Variants in LAMA3 observed in about 807,000 individuals in gnomAD.
LAMA3 encodes the protein laminin subunit alpha 3, also known as laminin subunit alpha-3.
In LAMA3, 281 loss-of-function variants were observed where a neutral mutation model predicts 402.0. The observed-to-expected ratio is 0.70, with a 90% CI of 0.63 to 0.77. The LOEUF is 0.77. Ranked by LOEUF, LAMA3 falls within the 30% of genes least tolerant of loss-of-function variation. The pLI, the probability that LAMA3 is intolerant of heterozygous loss-of-function variation, is 0.00. For synonymous variants in LAMA3, 1,431 were observed against 1,558.4 expected (o/e 0.92, Z 1.93); for missense variants, 3,840 against 4,215.5 (o/e 0.91, Z 2.47).
chr18:23,933,966 C>T (rs2082240508), intron 67 of LAMA3, 31 bp downstream of exon 67: 1 of 1,610,040 alleles, frequency 6.2e-7, no homozygotes, highest in African/African-American at 1.3e-5. Context: ...CTGGGTTTCC[C>T]TCTTCCCTGG....
chr18:23,912,332 T>C (rs1170534953), intron 55 of LAMA3, among the ~76,000 whole-genome samples: 2 of 151,904 alleles, frequency 1.3e-5, no homozygotes, highest in Non-Finnish European at 2.9e-5. Flanking sequence ...CATGTCTGAT[T>C]GTATGCCAGG....
intron 1 of LAMA3, among the ~76,000 whole-genome samples, chr18:23,695,208 G>A (rs917483609): frequency 6.6e-6 from 1 of 152,164 alleles, no homozygotes; most frequent in Non-Finnish European, 1.5e-5. Flanking sequence ...TTTTGGTCTT[G>A]TAGCCTCCAG....
chr18:23,850,813 C>G (rs1022811555), intron 32 of LAMA3, among the ~76,000 whole-genome samples: 2 of 152,220 alleles, frequency 1.3e-5, no homozygotes, highest in Non-Finnish European at 2.9e-5. Flanking sequence ...AAGACTTTAT[C>G]CATCTGTGTC....
At chr18:23,813,002 A>G in intron 13 of LAMA3, 55 bp from the exon 14 acceptor site, 1 of 1,227,946 alleles carries the variant, frequency 8.1e-7, no homozygotes, top group Non-Finnish European at 1.2e-6. Context: ...GAAACATCAA[A>G]ACAAAGAGAA....
At chr18:23,768,630 A>G (rs536451128) in intron 8 of LAMA3, among the ~76,000 whole-genome samples, 14 of 152,352 alleles carry the variant, frequency 9.2e-5, no homozygotes, top group Admixed American at 7.2e-4. Flanking sequence ...CAGTAATCCT[A>G]TTAATTGGCA....
intron 23 of LAMA3, among the ~76,000 whole-genome samples, chr18:23,833,217 C>G (rs1222885186): frequency 6.6e-6 from 1 of 152,056 alleles, no homozygotes; most frequent in African/African-American, 2.4e-5. Context: ...AAAGACATCC[C>G]GAATTGTCTA....
Position 23,907,831 on chromosome 18 carries a change from A to G in LAMA3, c.6911A>G (p.Asp2304Gly). 6.2e-7 allele frequency: 1 copy of G among 1,614,214 alleles called. No homozygotes were observed. Among genetic ancestry groups the G allele is most frequent in the Non-Finnish European group, 8.5e-7 (1 of 1,180,028 alleles). The change falls in exon 54 of 75, where the codon GAT (aspartate) becomes GGT (glycine). Residue 2304 changes from aspartate (D) to glycine (G), a missense_variant. By Grantham distance (94) the Asp-to-Gly change is moderately conservative. Coordinates refer to ENST00000313654, the MANE Select transcript of LAMA3 (RefSeq NM_198129.4). ...KANDITDEVL[D>G]GLNPIQTDVE... ...AACGACATCACAGATGAGGTTCTGG[A>G]TGGGCTCAACCCCATCCAGACAGAT...
At chr18:23,865,791 C>T (rs945306547) in intron 36 of LAMA3, among the ~76,000 whole-genome samples, 5 of 152,060 alleles carry the variant, frequency 3.3e-5, no homozygotes, top group Admixed American at 1.3e-4. Context: ...TAACAGGACT[C>T]GGGGGTGGTA....
chr18:23,913,163 C>T (rs1439320300), intron 56 of LAMA3, among the ~76,000 whole-genome samples: 1 of 152,188 alleles, frequency 6.6e-6, no homozygotes, highest in African/African-American at 2.4e-5. Flanking sequence ...AACATATGCA[C>T]TTGGGGAGGA....
At chr18:23,809,711 G>C (rs75046315) in intron 12 of LAMA3, among the ~76,000 whole-genome samples, 1 of 152,066 alleles carries the variant, frequency 6.6e-6, no homozygotes, top group Non-Finnish European at 1.5e-5. Flanking sequence ...TAACAGCTTG[G>C]GGGAGGGAGG....
rs375887307 is a variant in LAMA3 at position 23,726,575 on chromosome 18, A to G, written c.447+12503A>G. On this transcript the variant is annotated intron_variant, in intron 2 of 74. Transcript: ENST00000313654. ...GCTGCCCCTACTTGCTTCTGAGGGC[A>G]GGTGGCTATAGTGTTCACACAAGCC... 8.1e-4 allele frequency among the ~76,000 whole-genome samples: 123 copies of G among 152,324 alleles called. 3 individuals carry two copies. The South Asian group carries it at 0.025, about 31-fold the overall frequency.
intron 23 of LAMA3, among the ~76,000 whole-genome samples, chr18:23,828,409 C>T (rs1483636723): frequency 1.3e-5 from 2 of 152,218 alleles, no homozygotes; most frequent in South Asian, 2.1e-4. Flanking sequence ...TATAGATATG[C>T]ATAAAAAACC....
chr18:23,770,216 A>G (rs1308441579), intron 8 of LAMA3, among the ~76,000 whole-genome samples: 1 of 152,186 alleles, frequency 6.6e-6, no homozygotes, highest in Non-Finnish European at 1.5e-5. Context: ...TAACCATGAA[A>G]AATTGACAAT....
intron 1 of LAMA3, among the ~76,000 whole-genome samples, chr18:23,705,480 C>CACACACAG (rs1302189076): frequency 1.3e-5 from 2 of 150,952 alleles, no homozygotes; most frequent in Non-Finnish European, 2.9e-5. Context: ...CACACACACA[C>CACACACAG]AGACATATAT....
chr18:23,906,921 G>C (rs1568327595), intron 52 of LAMA3, among the ~76,000 whole-genome samples: 1 of 152,190 alleles, frequency 6.6e-6, no homozygotes, highest in Admixed American at 6.5e-5. Flanking sequence ...GGTCATTTTT[G>C]ATGACCCAAG....
intron 41 of LAMA3, among the ~76,000 whole-genome samples, chr18:23,889,806 T>C (rs1017643225): frequency 1.3e-5 from 2 of 152,170 alleles, no homozygotes; most frequent in Admixed American, 6.5e-5. Context: ...GGAAATTACA[T>C]GGATCTTACT....
At chr18:23,834,330 G>T in intron 24 of LAMA3, 1 of 345,214 alleles carries the variant, frequency 2.9e-6, no homozygotes, top group Non-Finnish European at 5.6e-6. Context: ...GCTGTGTCAA[G>T]TACCTGGGTG....
intron 37 of LAMA3, 130 bp downstream of exon 37, chr18:23,868,047 C>T: frequency 4.0e-6 from 3 of 758,578 alleles, no homozygotes; most frequent in Non-Finnish European, 6.5e-6. Context: ...TTTATATATA[C>T]AGGTTGAGCA....
At chr18:23,837,527 A>G (rs2063607641) in intron 25 of LAMA3, among the ~76,000 whole-genome samples, 1 of 146,148 alleles carries the variant, frequency 6.8e-6, no homozygotes, top group South Asian at 2.1e-4. Context: ...AGTTTAAAAA[A>G]AACTAAAAAA....
Sources: gnomAD v4.1 joint callset for allele counts (sites outside exome capture counted in the v4.1 genomes callset) on GRCh38, gnomAD v4.1.1 for gene constraint, MANE v1.5 for transcripts, NCBI Gene and HGNC (gene_info 2026-07-23, HGNC 2026-07-21) for gene names.